Variants in KLRG1 observed in about 807,000 individuals in gnomAD.
KLRG1 encodes the protein killer cell lectin like receptor G1.
A neutral mutation model predicts 21.8 loss-of-function variants in KLRG1; 16 were observed. That is an observed-to-expected ratio of 0.73 (90% confidence interval 0.50 to 1.11). The LOEUF is 1.11. Among genes scored for constraint, KLRG1 ranks in the 50% most tolerant of loss-of-function variants. The pLI is 0.00. For synonymous variants in KLRG1, 69 were observed against 75.9 expected (o/e 0.91, Z 0.47); for missense variants, 173 against 218.3 (o/e 0.79, Z 1.31).
chr12:9,128,895 T>A, the KLRG1 span, among the ~76,000 whole-genome samples: 1 of 152,204 alleles, frequency 6.6e-6, no homozygotes, highest in African/African-American at 2.4e-5. Context: ...TTTTGAAATA[T>A]GTGAAATCTG....
chr12:9,031,793 A>C, the KLRG1 span, among the ~76,000 whole-genome samples: 1 of 152,232 alleles, frequency 6.6e-6, no homozygotes. Flanking sequence ...AAGGGCTTCC[A>C]GGCTAAAGGT....
the KLRG1 span, among the ~76,000 whole-genome samples, chr12:9,056,356 C>A: frequency 6.6e-6 from 1 of 152,294 alleles, no homozygotes. Flanking sequence ...GGTGGAAAAT[C>A]AAAGCCTGCT....
At chr12:9,089,119 T>A in the KLRG1 span, 1 of 1,106,320 alleles carries the variant, frequency 9.0e-7, no homozygotes, top group East Asian at 2.6e-5. Flanking sequence ...ACAGAGAAAG[T>A]GTAGGAATAA....
chr12:9,049,011 T>C, the KLRG1 span, among the ~76,000 whole-genome samples: 2 of 152,136 alleles, frequency 1.3e-5, no homozygotes, highest in African/African-American at 4.8e-5. Context: ...AAAAACAGAA[T>C]TTGAGAAGGA....
the KLRG1 span, among the ~76,000 whole-genome samples, chr12:9,045,723 A>T: frequency 2.6e-5 from 4 of 152,374 alleles, no homozygotes; most frequent in Non-Finnish European, 2.9e-5. Context: ...GTATTCTATT[A>T]TAAAGATACA....
At chr12:9,079,145 T>C in the KLRG1 span, 1 of 920,136 alleles carries the variant, frequency 1.1e-6, no homozygotes, top group South Asian at 1.7e-5. Context: ...ATCGGTCTGA[T>C]AATACATATC....
the KLRG1 span, among the ~76,000 whole-genome samples, chr12:9,018,097 A>G: frequency 6.6e-6 from 1 of 152,362 alleles, no homozygotes; most frequent in African/African-American, 2.4e-5. Context: ...CATTGATGCA[A>G]GAAATTGAAG....
chr12:9,191,196 A>T, the KLRG1 span, among the ~76,000 whole-genome samples: 1 of 152,164 alleles, frequency 6.6e-6, no homozygotes, highest in African/African-American at 2.4e-5. Context: ...TTGGAATATT[A>T]TAAAAGAAAA....
chr12:9,067,445 C>A, the KLRG1 span: 1 of 291,794 alleles, frequency 3.4e-6, no homozygotes. Context: ...CTTTTATTTT[C>A]TCATAAAAAT....
the KLRG1 span, chr12:9,163,673 C>T: frequency 4.3e-6 from 7 of 1,613,290 alleles, no homozygotes; most frequent in Non-Finnish European, 5.9e-6. Context: ...GTTACCTCCA[C>T]CAACAGGGTT....
the KLRG1 span, among the ~76,000 whole-genome samples, chr12:9,203,351 T>C: frequency 4.0e-5 from 6 of 148,596 alleles, no homozygotes; most frequent in East Asian, 1.2e-3. Flanking sequence ...TTTTTTTTTT[T>C]TTTTTTTTGA....
the KLRG1 span, among the ~76,000 whole-genome samples, chr12:9,038,978 T>C: frequency 6.6e-6 from 1 of 152,186 alleles, no homozygotes; most frequent in African/African-American, 2.4e-5. Context: ...TGGATTAAAC[T>C]TTCTCAGTCA....
the KLRG1 span, among the ~76,000 whole-genome samples, chr12:9,189,150 A>T: frequency 6.6e-6 from 1 of 152,190 alleles, no homozygotes; most frequent in African/African-American, 2.4e-5. Context: ...AAAACTATTT[A>T]AAAATGTATA....
chr12:9,126,778 T>C, the KLRG1 span, among the ~76,000 whole-genome samples: 1 of 152,230 alleles, frequency 6.6e-6, no homozygotes, highest in East Asian at 1.9e-4. Context: ...TGCATAGTTC[T>C]CTGCCTGGGA....
upstream of KLRG1, among the ~76,000 whole-genome samples, chr12:8,987,920 C>G (rs1211587346): frequency 2.0e-5 from 3 of 152,142 alleles, no homozygotes; most frequent in African/African-American, 7.2e-5. Context: ...AAAATTTGTT[C>G]TCAGAGGCAG....
chr12:9,179,900 G>C, the KLRG1 span, among the ~76,000 whole-genome samples: 19 of 152,164 alleles, frequency 1.2e-4, no homozygotes. Context: ...CAAAGTTGCA[G>C]GCAGATTCAG....
the KLRG1 span, among the ~76,000 whole-genome samples, chr12:9,131,549 G>C: frequency 6.6e-6 from 1 of 151,988 alleles, no homozygotes; most frequent in African/African-American, 2.4e-5. Flanking sequence ...GTTACTAGAG[G>C]TGAAAAAGTT....
the KLRG1 span, among the ~76,000 whole-genome samples, chr12:9,111,796 AT>A: frequency 6.6e-6 from 1 of 152,196 alleles, no homozygotes; most frequent in Admixed American, 6.5e-5. Context: ...TATAGTGAAG[AT>A]TTTGGTAGAT....
chr12:9,074,467 T>G, the KLRG1 span: 1 of 1,208,426 alleles, frequency 8.3e-7, no homozygotes, highest in South Asian at 1.5e-5. Context: ...TACTGTCATC[T>G]GTATTTTTTT....
Sources: gnomAD v4.1 joint callset for allele counts (sites outside exome capture counted in the v4.1 genomes callset) on GRCh38, gnomAD v4.1.1 for gene constraint, MANE v1.5 for transcripts, NCBI Gene and HGNC (gene_info 2026-07-23, HGNC 2026-07-21) for gene names.